FAM184A: variants seen among roughly 807,000 people sequenced by gnomAD.
FAM184A encodes protein FAM184A.
In FAM184A, 99 loss-of-function variants were observed where a neutral mutation model predicts 143.8. That is an observed-to-expected ratio of 0.69 (90% confidence interval 0.58 to 0.81). FAM184A has a LOEUF of 0.81. Among genes scored for constraint, FAM184A ranks in the 40% least tolerant of loss-of-function variants. The pLI is 0.00. For missense variants in FAM184A, 1,217 were observed against 1,310.5 expected (o/e 0.93, Z 1.10); for synonymous variants, 427 against 446.4 (o/e 0.96, Z 0.55).
intron 9 of FAM184A, among the ~76,000 whole-genome samples, chr6:118,986,831 T>A (rs1359027736): frequency 6.6e-6 from 1 of 152,250 alleles, no homozygotes; most frequent in Non-Finnish European, 1.5e-5. Flanking sequence ...AATGTCTATA[T>A]TGATATAGCT....
intron 1 of FAM184A, among the ~76,000 whole-genome samples, chr6:119,126,200 G>T (rs185642228): frequency 6.5e-4 from 99 of 152,262 alleles, no homozygotes; most frequent in African/African-American, 2.2e-3. Flanking sequence ...AGCTTCTGTG[G>T]GCTGCCCACT....
rs141964625 is a variant in FAM184A at position 118,960,257 on chromosome 6, A to C, written c.3342-73T>G. On this transcript the variant is annotated intron_variant, in intron 17 of 17. Transcript: ENST00000338891. The stretch of plus-strand genomic sequence containing the variant: ...GCAAAATGAAGGCAAAAGCACATAA[A>C]ACATCAGCATAGATTACCACAACGG... 2.3e-5 allele frequency: 28 copies of C among 1,228,228 alleles called. No homozygotes were observed. The South Asian group carries it at 3.4e-4, about 15-fold the overall frequency. 76.1% of individuals were successfully genotyped at this position (1,228,228 alleles called of 1,614,324 possible). A position where few individuals can be genotyped will look rare whatever the true frequency, so the allele number is the denominator to read the frequency against.
At chr6:119,148,544 G>A (rs888305275) in intron 1 of FAM184A, among the ~76,000 whole-genome samples, 1 of 152,128 alleles carries the variant, frequency 6.6e-6, no homozygotes, top group Non-Finnish European at 1.5e-5. Context: ...CCTGCAGGGA[G>A]CCTCTCAGCT....
chr6:119,109,916 C>A (rs1788887686), intron 1 of FAM184A, among the ~76,000 whole-genome samples: 1 of 152,150 alleles, frequency 6.6e-6, no homozygotes, highest in Non-Finnish European at 1.5e-5. Context: ...GCATTTTAGG[C>A]ACCTTTTCTC....
chr6:119,103,198 A>G (rs949999273), intron 1 of FAM184A, among the ~76,000 whole-genome samples: 17 of 152,206 alleles, frequency 1.1e-4, no homozygotes, highest in African/African-American at 3.4e-4. Flanking sequence ...GCCTGAAACT[A>G]CTACATCCAT....
At chr6:118,984,820 T>A (rs1048379067) in intron 9 of FAM184A, among the ~76,000 whole-genome samples, 5 of 152,220 alleles carry the variant, frequency 3.3e-5, no homozygotes, top group African/African-American at 1.2e-4. Context: ...TCTGCAGATT[T>A]TCATAAAGAC....
In FAM184A at chr6:118,975,255, T is replaced by C. The variant is rs1457002571; in HGVS notation, c.2584-47A>G. On this transcript the variant is annotated intron_variant, in intron 12 of 17. Transcript: ENST00000338891. Reference sequence around the variant, plus strand: ...TTTTAGAAGTTTTCTACATATTTGATTTCTGTGTTTATCTGCGGGAAAGAA... The same window carrying C: ...TTTTAGAAGTTTTCTACATATTTGACTTCTGTGTTTATCTGCGGGAAAGAA... 2.3e-6 allele frequency: 3 copies of C among 1,331,466 alleles called. No individual in the cohort carries two copies. In the South Asian group the frequency reaches 4.3e-5, roughly 19 times the overall value. The allele number at this position is 1,331,466 out of a possible 1,614,324, so 82.5% of individuals were successfully genotyped here. A position where few individuals can be genotyped will look rare whatever the true frequency, so the allele number is the denominator to read the frequency against.
rs893866639 is a variant in FAM184A, at chr6:119,084,287, C to T, written c.-201-59474G>A. Among the ~76,000 whole-genome samples the T allele has an allele frequency of 3.3e-5, 5 of 152,316 alleles. No individual in the cohort carries two copies. In the South Asian group the frequency reaches 1.0e-3, roughly 32 times the overall value. ...GTGGGGACCCAGAGCCAAACCATAT[C>T]AGGGTTATAGGCACTGGGTAAACAT... On this transcript the variant is annotated intron_variant, in intron 1 of 16. Transcript: ENST00000352896.
At chr6:119,112,168 G>T (rs1216199445) in intron 1 of FAM184A, among the ~76,000 whole-genome samples, 1 of 146,472 alleles carries the variant, frequency 6.8e-6, no homozygotes, top group Non-Finnish European at 1.5e-5. Context: ...TTTCACTCTT[G>T]TTGCCCAGGC....
At chr6:118,991,225 C>T (rs71559845) in intron 9 of FAM184A, among the ~76,000 whole-genome samples, 14,852 of 151,132 alleles carry the variant, frequency 0.098, 838 homozygotes, top group South Asian at 0.14. Context: ...TGCAATGGCA[C>T]GATCTCGGCG....
At chr6:119,117,430 G>A (rs1789089514) in intron 1 of FAM184A, among the ~76,000 whole-genome samples, 1 of 152,226 alleles carries the variant, frequency 6.6e-6, no homozygotes, top group Non-Finnish European at 1.5e-5. Context: ...ACTTAAAGTT[G>A]TCAGTAGGCC....
chr6:119,140,282 A>G (rs189415430), intron 1 of FAM184A, among the ~76,000 whole-genome samples: 25 of 151,976 alleles, frequency 1.6e-4, no homozygotes, highest in Admixed American at 1.6e-3. Flanking sequence ...AGGAGAATGC[A>G]TTTTCTGGCC....
chr6:118,973,752 A>G (rs1333091351), intron 14 of FAM184A, among the ~76,000 whole-genome samples: 3 of 152,198 alleles, frequency 2.0e-5, no homozygotes, highest in Non-Finnish European at 4.4e-5. Flanking sequence ...TAGGAAAGGA[A>G]GGGTTATTAA....
chr6:119,082,512 T>C (rs1015557191), upstream of FAM184A, among the ~76,000 whole-genome samples: 2 of 152,368 alleles, frequency 1.3e-5, no homozygotes, highest in African/African-American at 4.8e-5. Context: ...CAATGGGGGT[T>C]CAGGCATTGG....
At chr6:119,036,122 G>A (rs1238228467) in intron 1 of FAM184A, among the ~76,000 whole-genome samples, 3 of 152,036 alleles carry the variant, frequency 2.0e-5, no homozygotes, top group Admixed American at 6.5e-5. Context: ...AAGATCTGGA[G>A]TTCAACGTGA....
intron 9 of FAM184A, among the ~76,000 whole-genome samples, chr6:118,981,461 T>C (rs1285769963): frequency 1.3e-5 from 2 of 152,164 alleles, no homozygotes; most frequent in African/African-American, 2.4e-5. Flanking sequence ...AAGAGGAAAC[T>C]TTAAAGTGAG....
chr6:119,124,840 T>C lies in FAM184A; in HGVS notation c.-202+24238A>G, dbSNP rs140649301. ...AGTAGATACAACCTCAGAAACTTTA[T>C]AATACAACATTTGTTTTTAGCTTTC... is the stretch of plus-strand genomic sequence containing the variant. On this transcript the variant is annotated intron_variant, in intron 1 of 16. Coordinates refer to the FAM184A transcript ENST00000352896. Among the ~76,000 whole-genome samples, 679 of 152,252 alleles carry C rather than the reference T, an allele frequency of 4.5e-3. 4 individuals carry two copies. The highest frequency in any genetic ancestry group is 5.3e-3 in the Non-Finnish European group (357 of 68,000).
At chr6:118,968,394 A>G (rs1783566022) in intron 14 of FAM184A, among the ~76,000 whole-genome samples, 1 of 152,264 alleles carries the variant, frequency 6.6e-6, no homozygotes, top group African/African-American at 2.4e-5. Flanking sequence ...CTTGCTGTAC[A>G]ATGTGTTAAG....
chr6:119,137,537 G>T (rs947278696), intron 1 of FAM184A, among the ~76,000 whole-genome samples: 3 of 152,242 alleles, frequency 2.0e-5, no homozygotes, highest in African/African-American at 7.2e-5. Flanking sequence ...GGGGGTTAGG[G>T]ATTCAACATA....
Sources: gnomAD v4.1 joint callset for allele counts (sites outside exome capture counted in the v4.1 genomes callset) on GRCh38, gnomAD v4.1.1 for gene constraint, MANE v1.5 for transcripts, NCBI Gene and HGNC (gene_info 2026-07-23, HGNC 2026-07-21) for gene names.